SATB1: variants seen among roughly 807,000 people sequenced by gnomAD.
SATB1 encodes the protein DNA-binding protein SATB1.
In SATB1, 11 loss-of-function variants were observed where a neutral mutation model predicts 86.9. The observed-to-expected ratio is 0.13, with a 90% confidence interval of 0.08 to 0.21. SATB1 has a LOEUF of 0.21. Ranked by LOEUF, SATB1 falls within the 10% of genes least tolerant of loss-of-function variation. The pLI, the probability that SATB1 is intolerant of heterozygous loss-of-function variation, is 1.00. For missense variants in SATB1, 551 were observed against 937.6 expected, an observed-to-expected ratio of 0.59 and a Z score of 5.39; for synonymous variants, 357 against 357.2, an observed-to-expected ratio of 1.00 and a Z score of 0.01.
At chr3:18,372,988 C>T (rs1434902484) in intron 9 of SATB1, among the ~76,000 whole-genome samples, 1 of 152,160 alleles carries the variant, frequency 6.6e-6, no homozygotes, top group Non-Finnish European at 1.5e-5. Context: ...GATGCAGGGA[C>T]CACACTCTGG....
At chr3:18,351,394 G>A in intron 10 of SATB1, 2 of 1,549,102 alleles carry the variant, frequency 1.3e-6, no homozygotes, top group Non-Finnish European at 1.7e-6. Context: ...TCCCAAGGGT[G>A]GTGGGAGAGG....
chr3:18,422,455 A>G (rs532226287), intron 1 of SATB1, among the ~76,000 whole-genome samples: 1 of 152,306 alleles, frequency 6.6e-6, no homozygotes, highest in South Asian at 2.1e-4. Context: ...TTATCTTTGT[A>G]CTCCAGAGTG....
exon 1 of SATB1, chr3:18,445,536 C>A: frequency 1.0e-6 from 1 of 985,518 alleles, no homozygotes; most frequent in South Asian, 4.7e-5. Flanking sequence ...GGGCCCCCAA[C>A]ACGCGCACTC....
At chr3:18,398,265 T>G (rs1266841018) in intron 5 of SATB1, among the ~76,000 whole-genome samples, 1 of 152,162 alleles carries the variant, frequency 6.6e-6, no homozygotes, top group Non-Finnish European at 1.5e-5. Context: ...GTAATTTCAA[T>G]GACTAAATTC....
At chr3:18,405,474 A>C (rs571292814) in intron 5 of SATB1, among the ~76,000 whole-genome samples, 1 of 152,030 alleles carries the variant, frequency 6.6e-6, no homozygotes, top group Non-Finnish European at 1.5e-5. Context: ...AAGTACTTTG[A>C]GCAATTCATT....
At position 18,348,963 on chromosome 3, in the gene SATB1, C is replaced by T. The variant is rs1575070541; in HGVS notation, c.*207G>A. ...TACCAAACAATCCTTGATGCTTCAC[C>T]TGGGGCTGCCAAGCAGTTTGTAAAA... On this transcript the variant is annotated 3_prime_UTR_variant, in exon 11 of 11. Coordinates refer to ENST00000338745, the MANE Select transcript of SATB1 (RefSeq NM_002971.6). 1 of 774,438 alleles carries T rather than the reference C, an allele frequency of 1.3e-6. No individual in the cohort carries two copies. Among genetic ancestry groups the T allele is most frequent in the East Asian group, 2.8e-5 (1 of 35,482 alleles). 48.0% of individuals were successfully genotyped at this position (774,438 alleles called of 1,614,324 possible).
upstream of SATB1, chr3:18,425,446 G>T (rs1345280445): frequency 6.6e-6 from 1 of 151,554 alleles, no homozygotes; most frequent in Non-Finnish European, 1.5e-5. Flanking sequence ...GCACGGAGCG[G>T]GCGGAAAAGG....
intron 7 of SATB1, among the ~76,000 whole-genome samples, chr3:18,389,553 TAC>T (rs767067876): frequency 4.6e-5 from 7 of 152,022 alleles, no homozygotes; most frequent in Non-Finnish European, 8.8e-5. Flanking sequence ...GAAGACATAG[TAC>T]AGACTTGCCA....
chr3:18,392,576 C>T (rs201437440), intron 7 of SATB1, among the ~76,000 whole-genome samples: 1 of 131,520 alleles, frequency 7.6e-6, no homozygotes, highest in African/African-American at 3.0e-5. Context: ...CACACACATA[C>T]ACACACACAT....
At chr3:18,439,686 TGGAATA>T (rs1699186295), upstream of SATB1, among the ~76,000 whole-genome samples, 1 of 152,166 alleles carries the variant, frequency 6.6e-6, no homozygotes, top group South Asian at 2.1e-4. Context: ...CTGATGTCAG[TGGAATA>T]TGTGACTAGG....
At position 18,348,054 on chromosome 3, in the gene SATB1, A is replaced by C. The variant is rs1694146114; in HGVS notation, c.*1116T>G. On this transcript the variant is annotated 3_prime_UTR_variant, in exon 11 of 11. Transcript: ENST00000338745. ...TTATAAAAACAGCCAGCTGTAACAA[A>C]ATAGCTGTTTTCATAGCCATAAACT... 1 of 152,644 alleles carries C rather than the reference A, an allele frequency of 6.6e-6. No individual in the cohort carries two copies. Among genetic ancestry groups the C allele is most frequent in the Admixed American group, 6.5e-5 (1 of 15,284 alleles). The allele number at this position is 152,644 out of a possible 1,614,324, so 9.5% of individuals were successfully genotyped here.
At chr3:18,414,893 C>A in intron 5 of SATB1, 1 of 475,252 alleles carries the variant, frequency 2.1e-6, no homozygotes, top group African/African-American at 2.0e-5. Flanking sequence ...TTCCTGTAAA[C>A]AGTCCTTTGC....
intron 1 of SATB1, among the ~76,000 whole-genome samples, chr3:18,423,296 T>C (rs961171202): frequency 3.3e-5 from 5 of 152,216 alleles, no homozygotes; most frequent in African/African-American, 1.2e-4. Flanking sequence ...AGACCATATA[T>C]GATAATTACT....
chr3:18,414,748 C>CCGAAGCTT (rs1698030838), intron 5 of SATB1, among the ~76,000 whole-genome samples: 1 of 152,036 alleles, frequency 6.6e-6, no homozygotes, highest in South Asian at 2.1e-4. Flanking sequence ...TTCCCTCTCA[C>CCGAAGCTT]CGAAGCTTCG....
Position 18,349,561 on chromosome 3 carries a change from G to A in SATB1, c.1901C>T (p.Pro634Leu), listed in dbSNP as rs867795765. 1 of 1,614,020 alleles carries A rather than the reference G, an allele frequency of 6.2e-7. No individual in the cohort carries two copies. Among genetic ancestry groups the A allele is most frequent in the Non-Finnish European group, 8.5e-7 (1 of 1,180,014 alleles). ...TCGGTTTTCCTCATCTGACTCTGCT[G>A]GAGAGGCCACCGTGGGTTGCCGTGG... Reference protein sequence around the residue: ...LPPRQPTVASPAESDEENRQK... With the variant: ...LPPRQPTVASLAESDEENRQK... Residue 634 changes from proline (P) to leucine (L), a missense_variant, in exon 11 of 11, where the codon CCA (proline) becomes CTA (leucine). Coordinates refer to ENST00000338745, the MANE Select transcript of SATB1 (RefSeq NM_002971.6). The surrounding 1 kb of genome is among the most constrained non-coding windows in gnomAD (Gnocchi z 5.5).
At chr3:18,366,303 T>C (rs1165815399) in intron 9 of SATB1, among the ~76,000 whole-genome samples, 2 of 152,102 alleles carry the variant, frequency 1.3e-5, no homozygotes, top group Non-Finnish European at 2.9e-5. Context: ...CCTGCTTCCT[T>C]TTCCTTTGTA....
chr3:18,387,073 A>G (rs534063675), intron 7 of SATB1, among the ~76,000 whole-genome samples: 3 of 152,356 alleles, frequency 2.0e-5, no homozygotes, highest in African/African-American at 7.2e-5. Flanking sequence ...ATTTTAACAT[A>G]TTAGAACAAA....
chr3:18,427,801 C>T (rs1263583929), upstream of SATB1, among the ~76,000 whole-genome samples: 1 of 152,048 alleles, frequency 6.6e-6, no homozygotes, highest in Non-Finnish European at 1.5e-5. Flanking sequence ...AGCATAAAGG[C>T]ATCTAAGAAT....
intron 9 of SATB1, among the ~76,000 whole-genome samples, chr3:18,370,515 C>CAAAAAAAAAAAAAAAAAAAAAGAAGAA (rs1695423274): frequency 2.0e-5 from 1 of 49,440 alleles, no homozygotes; most frequent in African/African-American, 9.7e-5. Context: ...CTGAGAGAGG[C>CAAAAAAAAAAAAAAAAAAAAAGAAGAA]AAAAAAAAAA....
Sources: allele counts gnomAD v4.1 joint callset (sites outside exome capture counted in the v4.1 genomes callset), GRCh38; gene constraint gnomAD v4.1.1; non-coding constraint Gnocchi (gnomAD v3.1); transcripts MANE v1.5; gene names NCBI Gene and HGNC (gene_info 2026-07-23, HGNC 2026-07-21).